The following SMOC1 variants were observed in gnomAD, a reference collection of about 807,000 sequenced individuals.
The protein encoded by SMOC1 is SPARC related modular calcium binding 1.
Under a neutral mutation model 56.3 loss-of-function variants are expected in SMOC1, and 22 were observed. The ratio of observed to expected loss-of-function variants is 0.39; its 90% CI spans 0.28 to 0.56. The LOEUF (loss-of-function observed/expected upper bound fraction) is 0.56. Among genes scored for constraint, SMOC1 ranks in the 20% least tolerant of loss-of-function variants. The probability of loss-of-function intolerance (pLI) is 0.61; values close to 1 mark genes in which losing one functional copy is unlikely to be tolerated. For missense variants in SMOC1, 509 were observed against 565.4 expected (o/e 0.90, Z 1.01); for synonymous variants, 193 against 215.0 (o/e 0.90, Z 0.89).
chr14:69,974,844 C>T (rs184153507), intron 3 of SMOC1, among the ~76,000 whole-genome samples: 2 of 152,116 alleles, frequency 1.3e-5, no homozygotes, highest in Non-Finnish European at 2.9e-5. Flanking sequence ...ATAAAACCTG[C>T]AGGTTTTACC....
rs1883075915 is a variant in SMOC1, at chr14:69,953,431, A to G, written c.277A>G (p.Ser93Gly). 6.2e-7 allele frequency: 1 copy of G among 1,614,202 alleles called. No homozygotes were observed. Among genetic ancestry groups the G allele is most frequent in the African/African-American group, 1.3e-5 (1 of 75,064 alleles). ...HRGRCKDAGQ[S>G]KCRLERAQAL... ...CTCTCCTCTTTCAGATGCTGGCCAG[A>G]GCAAGTGTCGCCTGGAGCGGGCTCA... Residue 93 changes from serine (S) to glycine (G), a missense_variant, in exon 3 of 12, where the codon AGC becomes GGC. Ser to Gly is a moderately conservative substitution (Grantham distance 56, BLOSUM62 0). Coordinates refer to ENST00000361956, the MANE Select transcript of SMOC1 (RefSeq NM_001034852.3).
chr14:69,879,624 C>T lies in SMOC1; in HGVS notation c.-55C>T. 7.5e-7 allele frequency: 1 copy of T among 1,341,452 alleles called. No individual in the cohort carries two copies. Among genetic ancestry groups the T allele is most frequent in the Non-Finnish European group, 9.7e-7 (1 of 1,035,392 alleles). The allele number at this position is 1,341,452 out of a possible 1,614,324, so 83.1% of individuals were successfully genotyped here. A position where few individuals can be genotyped will look rare whatever the true frequency, so the allele number is the denominator to read the frequency against. ...GGAAGGAAGGGAGGCGCGCTGTGCG[C>T]CCCGCGGAGCCCGCGAACCCCGCTC... On this transcript the variant is annotated 5_prime_UTR_variant, in exon 1 of 12. Transcript: ENST00000361956.
At chr14:69,990,798 G>C (rs553112543) in intron 5 of SMOC1, among the ~76,000 whole-genome samples, 1 of 152,218 alleles carries the variant, frequency 6.6e-6, no homozygotes, top group Non-Finnish European at 1.5e-5. Context: ...TCATTTCTTG[G>C]GATGATTGTC....
intron 3 of SMOC1, among the ~76,000 whole-genome samples, chr14:69,956,488 G>T (rs2139450087): frequency 6.9e-6 from 1 of 144,494 alleles, no homozygotes; most frequent in Admixed American, 7.2e-5. Flanking sequence ...AAAACCCAGA[G>T]ATAAACTACA....
At chr14:69,927,702 A>C (rs1885047792) in intron 1 of SMOC1, among the ~76,000 whole-genome samples, 1 of 152,094 alleles carries the variant, frequency 6.6e-6, no homozygotes, top group South Asian at 2.1e-4. Flanking sequence ...AGGTGGTAGG[A>C]GGGAAACTTC....
At chr14:69,931,019 T>C (rs1489914110) in intron 1 of SMOC1, among the ~76,000 whole-genome samples, 1 of 152,216 alleles carries the variant, frequency 6.6e-6, no homozygotes, top group African/African-American at 2.4e-5. Context: ...CTCTTTCCCC[T>C]TCACTCTGTT....
At chr14:69,984,637 G>A (rs1340755320) in intron 5 of SMOC1, among the ~76,000 whole-genome samples, 19 of 151,686 alleles carry the variant, frequency 1.3e-4, no homozygotes. Context: ...GAGGCCAGGG[G>A]TTCAAGACCA....
At chr14:69,921,247 C>T (rs1264995102) in intron 1 of SMOC1, among the ~76,000 whole-genome samples, 1 of 152,190 alleles carries the variant, frequency 6.6e-6, no homozygotes, top group African/African-American at 2.4e-5. Context: ...CTGCCTTGGT[C>T]ATTACATCAT....
chr14:69,990,763 G>A (rs530715313), intron 5 of SMOC1, among the ~76,000 whole-genome samples: 1 of 152,288 alleles, frequency 6.6e-6, no homozygotes, highest in Admixed American at 6.5e-5. Flanking sequence ...ATCCAGCATA[G>A]ATACTCTTCT....
At chr14:69,954,049 A>G (rs1883102422) in intron 3 of SMOC1, among the ~76,000 whole-genome samples, 1 of 152,088 alleles carries the variant, frequency 6.6e-6, no homozygotes, top group Non-Finnish European at 1.5e-5. Flanking sequence ...GTATGCATAT[A>G]CTCAGATTTT....
At chr14:69,908,996 C>T (rs925160834) in intron 1 of SMOC1, among the ~76,000 whole-genome samples, 1 of 152,104 alleles carries the variant, frequency 6.6e-6, no homozygotes. Flanking sequence ...TTTATACTCA[C>T]CTCTTCTAAA....
chr14:69,890,335 T>C (rs376649382), intron 1 of SMOC1, among the ~76,000 whole-genome samples: 1 of 152,036 alleles, frequency 6.6e-6, no homozygotes, highest in East Asian at 1.9e-4. Context: ...TAAAAAGTAA[T>C]ATGCAAAAAA....
chr14:69,894,541 C>A (rs115028308), intron 1 of SMOC1, among the ~76,000 whole-genome samples: 1 of 152,108 alleles, frequency 6.6e-6, no homozygotes, highest in African/African-American at 2.4e-5. Flanking sequence ...CTTCTCCTGA[C>A]CACATGGCTA....
At chr14:69,902,083 A>C (rs988052058) in intron 1 of SMOC1, among the ~76,000 whole-genome samples, 2 of 152,238 alleles carry the variant, frequency 1.3e-5, no homozygotes, top group African/African-American at 4.8e-5. Flanking sequence ...AGGAATGGTC[A>C]TGTGACTTAT....
At chr14:69,926,670 T>C (rs1345520891) in intron 1 of SMOC1, among the ~76,000 whole-genome samples, 1 of 152,198 alleles carries the variant, frequency 6.6e-6, no homozygotes, top group Non-Finnish European at 1.5e-5. Context: ...GAAACCACGT[T>C]CCTTCCCTCA....
At chr14:69,973,677 G>A (rs1883859124) in intron 3 of SMOC1, among the ~76,000 whole-genome samples, 1 of 152,192 alleles carries the variant, frequency 6.6e-6, no homozygotes, top group Admixed American at 6.5e-5. Context: ...TAGGAACAAG[G>A]TTCCCCCTAT....
chr14:69,886,016 C>T (rs1309430275), intron 1 of SMOC1: 1 of 1,585,738 alleles, frequency 6.3e-7, no homozygotes, highest in Non-Finnish European at 8.6e-7. Context: ...GATGTCCTGT[C>T]CAATGCCAAA....
chr14:69,933,042 T>G (rs61980644), intron 1 of SMOC1, among the ~76,000 whole-genome samples: 1 of 151,378 alleles, frequency 6.6e-6, no homozygotes, highest in Non-Finnish European at 1.5e-5. Flanking sequence ...ATACTTAGGG[T>G]GACATACATT....
chr14:69,962,356 G>A (rs1010014809), intron 3 of SMOC1, among the ~76,000 whole-genome samples: 3 of 151,990 alleles, frequency 2.0e-5, no homozygotes, highest in African/African-American at 7.3e-5. Context: ...TTAGAGATGG[G>A]GTTTCACCAT....
Sources: gnomAD v4.1 joint callset for allele counts (sites outside exome capture counted in the v4.1 genomes callset) on GRCh38, gnomAD v4.1.1 for gene constraint, MANE v1.5 for transcripts, NCBI Gene and HGNC (gene_info 2026-07-23, HGNC 2026-07-21) for gene names.